Variants in ASCC3 observed in about 807,000 individuals in gnomAD.
ASCC3 encodes the protein activating signal cointegrator 1 complex subunit 3.
A neutral mutation model predicts 256.3 loss-of-function variants in ASCC3; 158 were observed. That is an observed-to-expected ratio of 0.62 (90% CI 0.54 to 0.70). The LOEUF (loss-of-function observed/expected upper bound fraction) is 0.70. ASCC3 is among the 30% of genes least tolerant of loss of function. The probability of loss-of-function intolerance (pLI) is 0.00; values close to 1 mark genes in which losing one functional copy is unlikely to be tolerated. For missense variants in ASCC3, 2,259 were observed against 2,626.0 expected, an observed-to-expected ratio of 0.86 and a Z score of 3.05; for synonymous variants, 948 against 883.4, an observed-to-expected ratio of 1.07 and a Z score of -1.30.
chr6:100,577,923 A>C (rs146071253), intron 36 of ASCC3, among the ~76,000 whole-genome samples: 2 of 152,212 alleles, frequency 1.3e-5, no homozygotes, highest in East Asian at 3.9e-4. Context: ...GAGTATGAAA[A>C]AATGGAGAGT....
chr6:100,821,897 T>C (rs1670201651), intron 4 of ASCC3, among the ~76,000 whole-genome samples: 1 of 151,576 alleles, frequency 6.6e-6, no homozygotes, highest in Non-Finnish European at 1.5e-5. Context: ...TTTTGCTAAG[T>C]AAAAAAAACA....
At chr6:100,822,947 A>C (rs1047143571) in intron 4 of ASCC3, among the ~76,000 whole-genome samples, 11 of 152,216 alleles carry the variant, frequency 7.2e-5, no homozygotes, top group Admixed American at 2.6e-4. Context: ...CTTCTAGGAA[A>C]CCACCAGTAT....
chr6:100,866,543 C>G (rs931614110), intron 2 of ASCC3, among the ~76,000 whole-genome samples: 2 of 152,182 alleles, frequency 1.3e-5, no homozygotes, highest in African/African-American at 4.8e-5. Flanking sequence ...ACCTTCAGTA[C>G]CTCAGAATGT....
intron 36 of ASCC3, among the ~76,000 whole-genome samples, chr6:100,586,236 C>T (rs932221637): frequency 6.6e-6 from 1 of 152,208 alleles, no homozygotes; most frequent in Non-Finnish European, 1.5e-5. Flanking sequence ...TGGGCTCCAC[C>T]CAGTTCGAGC....
intron 11 of ASCC3, among the ~76,000 whole-genome samples, chr6:100,724,012 T>G (rs1234565182): frequency 6.8e-6 from 1 of 146,830 alleles, no homozygotes; most frequent in Non-Finnish European, 1.5e-5. Flanking sequence ...ATAGAAGTGT[T>G]TTTCCCCAGT....
intron 3 of ASCC3, chr6:100,858,574 T>C: frequency 1.0e-6 from 1 of 984,984 alleles, no homozygotes. Flanking sequence ...ATGTAATTTT[T>C]AAACCTTTAT....
intron 4 of ASCC3, among the ~76,000 whole-genome samples, chr6:100,841,562 T>A (rs1442847651): frequency 6.6e-6 from 1 of 152,114 alleles, no homozygotes; most frequent in African/African-American, 2.4e-5. Context: ...AAGTGTGACA[T>A]CTTTGAAGAT....
At chr6:100,869,841 G>C (rs1202626594) in intron 1 of ASCC3, among the ~76,000 whole-genome samples, 1 of 152,064 alleles carries the variant, frequency 6.6e-6, no homozygotes, top group East Asian at 1.9e-4. Context: ...AACGTAGCTG[G>C]TGGCTCTATC....
At chr6:100,872,183 G>A (rs1773774877) in intron 1 of ASCC3, among the ~76,000 whole-genome samples, 1 of 152,098 alleles carries the variant, frequency 6.6e-6, no homozygotes, top group African/African-American at 2.4e-5. Flanking sequence ...TGTGCCTCTG[G>A]CATGGTCTTA....
chr6:100,855,539 T>G (rs915355179), intron 3 of ASCC3, among the ~76,000 whole-genome samples: 1 of 152,220 alleles, frequency 6.6e-6, no homozygotes, highest in Non-Finnish European at 1.5e-5. Flanking sequence ...TTTTTAAAAT[T>G]TCTCTTGTAA....
intron 4 of ASCC3, among the ~76,000 whole-genome samples, chr6:100,832,381 T>C (rs998502574): frequency 2.6e-5 from 4 of 151,964 alleles, no homozygotes; most frequent in Non-Finnish European, 5.9e-5. Flanking sequence ...GAGAAAAAAA[T>C]TTAAACACTT....
chr6:100,868,198 GT>G (rs958959564), intron 1 of ASCC3, among the ~76,000 whole-genome samples, 160 bp from the exon 2 acceptor site: 4 of 152,134 alleles, frequency 2.6e-5, no homozygotes, highest in Non-Finnish European at 4.4e-5. Flanking sequence ...TATCCATGAA[GT>G]TTTTTTGTTT....
chr6:100,518,488 C>G (rs1044206951), intron 37 of ASCC3, among the ~76,000 whole-genome samples: 1 of 152,092 alleles, frequency 6.6e-6, no homozygotes, highest in South Asian at 2.1e-4. Flanking sequence ...GTATTAAGAA[C>G]ATTAGCAGCT....
At chr6:100,723,524 A>C (rs1360155559) in intron 11 of ASCC3, among the ~76,000 whole-genome samples, 1 of 151,698 alleles carries the variant, frequency 6.6e-6, no homozygotes, top group East Asian at 1.9e-4. Flanking sequence ...ATGAAAAACA[A>C]ACACTTTCGA....
intron 4 of ASCC3, among the ~76,000 whole-genome samples, chr6:100,833,803 C>G (rs796445836): frequency 1.2e-4 from 19 of 152,264 alleles, no homozygotes; most frequent in African/African-American, 4.3e-4. Context: ...AGGCTGAAAT[C>G]CTGGCGGCTC....
chr6:100,670,845 G>A (rs1354142448), intron 14 of ASCC3, among the ~76,000 whole-genome samples: 1 of 151,962 alleles, frequency 6.6e-6, no homozygotes, highest in Non-Finnish European at 1.5e-5. Flanking sequence ...GTATATCATT[G>A]CAAGAGTAGG....
chr6:100,824,563 C>T (rs846802), intron 4 of ASCC3, among the ~76,000 whole-genome samples: 14,477 of 152,058 alleles, frequency 0.095, 1,582 homozygotes, highest in East Asian at 0.3. Flanking sequence ...TACGGTCAGG[C>T]AGATTATGGA....
chr6:100,642,684 T>C lies in ASCC3; in HGVS notation c.3798A>G (p.Gln1266=), dbSNP rs747917067. ...TATCAGACACTGCTCGGATGTAGTA[T>C]TGGGAAGGCAAAGGCTCAAAAATAG... The part of the protein sequence containing the change: ...TIPIFEPLPS[Q]YYIRAVSDRW... The change falls in exon 24 of 42, where the codon CAA becomes CAG. Residue 1266 remains glutamine (Q), a synonymous_variant. Transcript: ENST00000369162. 6.2e-6 allele frequency: 10 copies of C among 1,613,932 alleles called. No homozygotes were observed. The highest frequency in any genetic ancestry group is 1.7e-5 in the Admixed American group (1 of 60,018).
intron 3 of ASCC3, among the ~76,000 whole-genome samples, chr6:100,860,124 G>T (rs1010338199): frequency 6.6e-6 from 1 of 151,888 alleles, no homozygotes; most frequent in African/African-American, 2.4e-5. Flanking sequence ...AATACATAAT[G>T]CATTTTACTG....
Sources: gnomAD v4.1 joint callset for allele counts (sites outside exome capture counted in the v4.1 genomes callset) on GRCh38, gnomAD v4.1.1 for gene constraint, MANE v1.5 for transcripts, NCBI Gene and HGNC (gene_info 2026-07-23, HGNC 2026-07-21) for gene names.